Variants in BMPR1B observed in about 807,000 individuals in gnomAD.
The protein encoded by BMPR1B is bone morphogenetic protein receptor type-1B.
BMPR1B carries 12 observed loss-of-function variants against 59.1 expected under a neutral mutation model. That is an observed-to-expected ratio of 0.20 (90% CI 0.13 to 0.33). The LOEUF is 0.33. Ranked by LOEUF, BMPR1B falls within the 10% of genes least tolerant of loss-of-function variation. The pLI, the probability that BMPR1B is intolerant of heterozygous loss-of-function variation, is 1.00. For missense variants in BMPR1B, 550 were observed against 610.9 expected (o/e 0.90, Z 1.05); for synonymous variants, 237 against 207.3 (o/e 1.14, Z -1.23).
At chr4:94,960,109 A>G (rs899819835) in intron 2 of BMPR1B, among the ~76,000 whole-genome samples, 13 of 152,158 alleles carry the variant, frequency 8.5e-5, no homozygotes, top group African/African-American at 3.1e-4. Flanking sequence ...TTTTACCAAT[A>G]TGAAGGTCCA....
chr4:94,865,745 C>T (rs1021040349), intron 1 of BMPR1B, among the ~76,000 whole-genome samples: 2 of 152,108 alleles, frequency 1.3e-5, no homozygotes, highest in African/African-American at 4.8e-5. Flanking sequence ...TGGGTGAAAT[C>T]CAACATTTCT....
intron 1 of BMPR1B, among the ~76,000 whole-genome samples, chr4:94,758,357 C>T (rs1278780524): frequency 2.0e-5 from 3 of 150,622 alleles, no homozygotes; most frequent in Non-Finnish European, 4.4e-5. Context: ...ACCCCGAGGC[C>T]TCGTGCCTGC....
chr4:94,965,928 A>G (rs976650252), intron 2 of BMPR1B, among the ~76,000 whole-genome samples: 1 of 152,200 alleles, frequency 6.6e-6, no homozygotes, highest in Non-Finnish European at 1.5e-5. Context: ...ACAAGGAAAC[A>G]TTGGAAAGCA....
At chr4:95,083,628 TAAG>T (rs769651508) in intron 3 of BMPR1B, among the ~76,000 whole-genome samples, 3 of 152,324 alleles carry the variant, frequency 2.0e-5, no homozygotes, top group South Asian at 4.1e-4. Context: ...AGCAGCCTAA[TAAG>T]ATTTCAGGAT....
intron 10 of BMPR1B, among the ~76,000 whole-genome samples, chr4:95,132,008 C>T (rs961082794): frequency 6.6e-6 from 1 of 152,134 alleles, no homozygotes; most frequent in African/African-American, 2.4e-5. Flanking sequence ...GCACATAAAC[C>T]AGAGCATGTT....
intron 2 of BMPR1B, among the ~76,000 whole-genome samples, chr4:94,975,208 G>A (rs1251732541): frequency 6.6e-6 from 1 of 152,060 alleles, no homozygotes; most frequent in Non-Finnish European, 1.5e-5. Context: ...ATATTGATTG[G>A]GTGTCAAGGA....
chr4:94,779,058 G>T (rs1001525669), intron 1 of BMPR1B, among the ~76,000 whole-genome samples: 1 of 152,004 alleles, frequency 6.6e-6, no homozygotes, highest in African/African-American at 2.4e-5. Context: ...TTAATTTACG[G>T]TTTATAATTT....
At chr4:95,139,596 A>G (rs1404378595) in intron 10 of BMPR1B, among the ~76,000 whole-genome samples, 1 of 151,972 alleles carries the variant, frequency 6.6e-6, no homozygotes, top group African/African-American at 2.4e-5. Context: ...TTGTTTACCT[A>G]CTCAAGCTCA....
chr4:94,972,371 A>G (rs1730827956), intron 2 of BMPR1B, among the ~76,000 whole-genome samples: 1 of 152,170 alleles, frequency 6.6e-6, no homozygotes, highest in African/African-American at 2.4e-5. Context: ...AAAAACATAG[A>G]CACTATAAGG....
At chr4:94,837,002 T>G (rs1366800855) in intron 1 of BMPR1B, among the ~76,000 whole-genome samples, 1 of 143,576 alleles carries the variant, frequency 7.0e-6, no homozygotes, top group Non-Finnish European at 1.5e-5. Flanking sequence ...CCAGCACCGT[T>G]TATTAAATAG....
intron 1 of BMPR1B, among the ~76,000 whole-genome samples, chr4:94,872,522 C>T (rs1428119514): frequency 6.6e-6 from 1 of 152,110 alleles, no homozygotes; most frequent in Non-Finnish European, 1.5e-5. Context: ...GAAATTTTGT[C>T]TTCATATTTT....
At chr4:94,777,775 C>T (rs1257868775) in intron 1 of BMPR1B, among the ~76,000 whole-genome samples, 1 of 152,040 alleles carries the variant, frequency 6.6e-6, no homozygotes, top group African/African-American at 2.4e-5. Context: ...TCTGTAATCC[C>T]AGCACTTTGG....
intron 3 of BMPR1B, among the ~76,000 whole-genome samples, chr4:95,091,971 GT>G (rs1730024982): frequency 6.6e-6 from 1 of 152,070 alleles, no homozygotes; most frequent in South Asian, 2.1e-4. Context: ...TTAAAATCAA[GT>G]GTTGTGGTTG....
At chr4:94,800,275 G>A (rs1273154760) in intron 1 of BMPR1B, among the ~76,000 whole-genome samples, 1 of 152,170 alleles carries the variant, frequency 6.6e-6, no homozygotes, top group Non-Finnish European at 1.5e-5. Flanking sequence ...TTTGGATTCA[G>A]ATGTGAGATT....
chr4:95,133,632 C>G (rs1016807672), intron 10 of BMPR1B, among the ~76,000 whole-genome samples: 1 of 152,058 alleles, frequency 6.6e-6, no homozygotes, highest in Non-Finnish European at 1.5e-5. Context: ...AGTGCAGTGG[C>G]ACCATCACAA....
chr4:95,119,466 A>T (rs962006045), intron 6 of BMPR1B, among the ~76,000 whole-genome samples: 4 of 152,226 alleles, frequency 2.6e-5, no homozygotes, highest in African/African-American at 9.6e-5. Context: ...CCTGCATAAC[A>T]TTAAGAGCTT....
At chr4:94,844,762 A>G (rs1428540951) in intron 1 of BMPR1B, among the ~76,000 whole-genome samples, 1 of 152,234 alleles carries the variant, frequency 6.6e-6, no homozygotes, top group Non-Finnish European at 1.5e-5. Flanking sequence ...TGGGAAAGAA[A>G]GACTTGCTGA....
intron 4 of BMPR1B, among the ~76,000 whole-genome samples, 189 bp downstream of exon 4, chr4:95,104,756 C>T (rs892944516): frequency 6.6e-6 from 1 of 152,054 alleles, no homozygotes; most frequent in Admixed American, 6.6e-5. Flanking sequence ...ATGTTCTAAG[C>T]TTCTTTTTGA....
chr4:94,922,845 T>A (rs1728753518), intron 2 of BMPR1B, among the ~76,000 whole-genome samples: 1 of 152,106 alleles, frequency 6.6e-6, no homozygotes, highest in African/African-American at 2.4e-5. Flanking sequence ...CTCTATAAGG[T>A]TAAATTGATC....
Sources: allele counts gnomAD v4.1 joint callset (sites outside exome capture counted in the v4.1 genomes callset), GRCh38; gene constraint gnomAD v4.1.1; transcripts MANE v1.5; gene names NCBI Gene and HGNC (gene_info 2026-07-23, HGNC 2026-07-21).